The following DPP6 variants were observed in gnomAD, a reference collection of about 807,000 sequenced individuals.
The protein encoded by DPP6 is dipeptidyl peptidase like 6.
Under a neutral mutation model 122.6 loss-of-function variants are expected in DPP6, and 69 were observed. The ratio of observed to expected loss-of-function variants is 0.56; its 90% CI spans 0.46 to 0.69. The LOEUF (loss-of-function observed/expected upper bound fraction) is 0.69, where lower values mean the gene tolerates loss of function less well. Ranked by LOEUF, DPP6 falls within the 30% of genes least tolerant of loss-of-function variation. The pLI is 0.00. For missense variants in DPP6, 928 were observed against 1,116.9 expected (o/e 0.83, Z 2.41); for synonymous variants, 418 against 433.1 (o/e 0.97, Z 0.43).
At chr7:153,989,692 GAAC>G (rs1265297910) in intron 1 of DPP6, among the ~76,000 whole-genome samples, 1 of 152,042 alleles carries the variant, frequency 6.6e-6, no homozygotes. Flanking sequence ...TGGGGATGGA[GAAC>G]ACTGGGGATG....
chr7:154,589,394 T>C (rs970060744), intron 5 of DPP6, among the ~76,000 whole-genome samples: 1 of 152,218 alleles, frequency 6.6e-6, no homozygotes, highest in Non-Finnish European at 1.5e-5. Context: ...GACCACTTAC[T>C]TTCTTCCCAG....
At chr7:153,923,111 G>A (rs540855866) in intron 1 of DPP6, among the ~76,000 whole-genome samples, 2 of 152,196 alleles carry the variant, frequency 1.3e-5, no homozygotes, top group South Asian at 2.1e-4. Context: ...ACCAGCTGCC[G>A]CCAAACAGCC....
At chr7:154,405,808 T>C (rs950756754) in intron 1 of DPP6, among the ~76,000 whole-genome samples, 1 of 152,218 alleles carries the variant, frequency 6.6e-6, no homozygotes, top group Non-Finnish European at 1.5e-5. Context: ...AAAATGAATA[T>C]GTAAAGGTTT....
At chr7:154,297,683 A>G (rs778412112) in intron 1 of DPP6, among the ~76,000 whole-genome samples, 3 of 152,214 alleles carry the variant, frequency 2.0e-5, no homozygotes, top group Non-Finnish European at 2.9e-5. Flanking sequence ...TTTCTTGTAA[A>G]TACAGTTTGG....
intron 1 of DPP6, among the ~76,000 whole-genome samples, chr7:154,153,968 C>A (rs1302587811): frequency 6.6e-6 from 1 of 152,142 alleles, no homozygotes; most frequent in Non-Finnish European, 1.5e-5. Flanking sequence ...AGAGTTTTAG[C>A]CATAGTTCAA....
intron 1 of DPP6, among the ~76,000 whole-genome samples, chr7:154,420,016 A>G (rs1435296461): frequency 1.3e-5 from 2 of 152,190 alleles, no homozygotes; most frequent in African/African-American, 2.4e-5. Flanking sequence ...TGTTATGTAC[A>G]TACAATGGAA....
the DPP6 span, among the ~76,000 whole-genome samples, chr7:153,759,606 A>T: frequency 6.6e-6 from 1 of 152,008 alleles, no homozygotes; most frequent in Admixed American, 6.6e-5. Context: ...TGCTGGGGTT[A>T]CAGCTGTGAG....
At chr7:154,524,512 C>T (rs779689044) in intron 3 of DPP6, among the ~76,000 whole-genome samples, 36 of 152,150 alleles carry the variant, frequency 2.4e-4, no homozygotes, top group Non-Finnish European at 3.7e-4. Flanking sequence ...GGCCAGACAC[C>T]CAGCTGGATG....
intron 1 of DPP6, among the ~76,000 whole-genome samples, chr7:154,343,516 G>A (rs7810600): frequency 0.072 from 10,960 of 152,288 alleles, 1,215 homozygotes; most frequent in African/African-American, 0.24. Context: ...TCACGTATCA[G>A]TGGACCTGTC....
intron 1 of DPP6, among the ~76,000 whole-genome samples, chr7:154,190,424 C>T (rs907277693): frequency 1.3e-5 from 2 of 152,078 alleles, no homozygotes; most frequent in Non-Finnish European, 2.9e-5. Flanking sequence ...TCTTCCTTCT[C>T]AAAAGGTGAT....
intron 1 of DPP6, among the ~76,000 whole-genome samples, chr7:154,000,248 A>G (rs1283778198): frequency 6.6e-6 from 1 of 152,062 alleles, no homozygotes; most frequent in Non-Finnish European, 1.5e-5. Flanking sequence ...TCAAATCAAG[A>G]TGCTGGAATA....
chr7:154,693,104 C>G (rs1432742455), intron 7 of DPP6, among the ~76,000 whole-genome samples: 2 of 26,934 alleles, frequency 7.4e-5, no homozygotes, highest in East Asian at 3.5e-3. Context: ...CTTTATTTTT[C>G]TACTGACAAT....
intron 1 of DPP6, among the ~76,000 whole-genome samples, chr7:154,022,461 A>T (rs1444640182): frequency 6.6e-6 from 1 of 152,192 alleles, no homozygotes; most frequent in Non-Finnish European, 1.5e-5. Flanking sequence ...GAAAGATGTG[A>T]AGCATCATGG....
intron 8 of DPP6, among the ~76,000 whole-genome samples, chr7:154,754,558 C>T (rs1843565162): frequency 1.3e-5 from 2 of 152,184 alleles, no homozygotes; most frequent in Non-Finnish European, 2.9e-5. Flanking sequence ...ATAGGGTTCA[C>T]AATCCATATT....
At chr7:153,764,514 C>T in the DPP6 span, among the ~76,000 whole-genome samples, 2 of 151,956 alleles carry the variant, frequency 1.3e-5, no homozygotes, top group Admixed American at 6.6e-5. Context: ...AAGGATACAG[C>T]GTCACATGGT....
intron 1 of DPP6, among the ~76,000 whole-genome samples, chr7:153,954,430 G>A (rs891245608): frequency 2.0e-5 from 3 of 152,182 alleles, no homozygotes; most frequent in Non-Finnish European, 2.9e-5. Flanking sequence ...CTAAGCTCCT[G>A]AATACAGTAC....
At chr7:154,313,751 A>ACACATGCACC (rs147976247) in intron 1 of DPP6, among the ~76,000 whole-genome samples, 1 of 45,262 alleles carries the variant, frequency 2.2e-5, no homozygotes, top group South Asian at 1.1e-3. Context: ...ACACACACAC[A>ACACATGCACC]CCCTTACATA....
intron 16 of DPP6, among the ~76,000 whole-genome samples, chr7:154,849,794 A>G (rs1280614306): frequency 6.6e-6 from 1 of 152,206 alleles, no homozygotes; most frequent in Non-Finnish European, 1.5e-5. Flanking sequence ...GATGTTAGCT[A>G]TGGGTTTGGC....
chr7:153,887,640 T>C, exon 1 of DPP6: 1 of 1,611,542 alleles, frequency 6.2e-7, no homozygotes, highest in Non-Finnish European at 8.5e-7. Context: ...ATGGATTAAG[T>C]TTCTCTTCCC....
Sources: allele counts gnomAD v4.1 joint callset (sites outside exome capture counted in the v4.1 genomes callset), GRCh38; gene constraint gnomAD v4.1.1; transcripts MANE v1.5; gene names NCBI Gene and HGNC (gene_info 2026-07-23, HGNC 2026-07-21).